Variants in SLC24A2 observed in about 807,000 individuals in gnomAD.
The protein encoded by SLC24A2 is solute carrier family 24 member 2, also known as sodium/potassium/calcium exchanger 2.
In SLC24A2, 36 loss-of-function variants were observed where a neutral mutation model predicts 62.0. The ratio of observed to expected loss-of-function variants is 0.58; its 90% CI spans 0.44 to 0.77. SLC24A2 has a LOEUF of 0.77. Ranked by LOEUF, SLC24A2 falls within the 30% of genes least tolerant of loss-of-function variation. SLC24A2 has a pLI of 0.00. For missense variants in SLC24A2, 846 were observed against 817.9 expected (o/e 1.03, Z -0.42); for synonymous variants, 358 against 294.0 (o/e 1.22, Z -2.23).
chr9:19,732,009 G>A (rs902251099), intron 2 of SLC24A2, among the ~76,000 whole-genome samples: 2 of 152,138 alleles, frequency 1.3e-5, no homozygotes, highest in African/African-American at 4.8e-5. Flanking sequence ...TGGAGGAGAA[G>A]CACTGAGATT....
At chr9:19,585,379 C>A (rs1461986362) in intron 5 of SLC24A2, among the ~76,000 whole-genome samples, 1 of 152,174 alleles carries the variant, frequency 6.6e-6, no homozygotes, top group Non-Finnish European at 1.5e-5. Flanking sequence ...CAAGCTTCAT[C>A]CTTTTCAAAG....
At chr9:19,872,547 C>G in the SLC24A2 span, among the ~76,000 whole-genome samples, 6 of 152,128 alleles carry the variant, frequency 3.9e-5, no homozygotes, top group African/African-American at 1.4e-4. Context: ...CCCACCTTGT[C>G]TCATACGGCT....
chr9:20,099,219 C>T, the SLC24A2 span, among the ~76,000 whole-genome samples: 1 of 152,156 alleles, frequency 6.6e-6, no homozygotes, highest in South Asian at 2.1e-4. Context: ...AATGATATTT[C>T]TTGAAACATG....
intron 7 of SLC24A2, among the ~76,000 whole-genome samples, chr9:19,551,941 G>T (rs774555799): frequency 2.6e-5 from 4 of 152,178 alleles, no homozygotes; most frequent in Admixed American, 6.5e-5. Flanking sequence ...GTAACAACAG[G>T]TTCTTCTGCT....
intron 2 of SLC24A2, among the ~76,000 whole-genome samples, chr9:19,693,988 G>A (rs1011825715): frequency 2.7e-4 from 41 of 151,920 alleles, no homozygotes; most frequent in African/African-American, 9.9e-4. Context: ...GAAAATGTAT[G>A]TTAAATCCTC....
chr9:20,117,580 AT>A, the SLC24A2 span, among the ~76,000 whole-genome samples: 443 of 152,296 alleles, frequency 2.9e-3, 3 homozygotes, highest in Middle Eastern at 0.014. Flanking sequence ...AATAGGCAGT[AT>A]GCTAAATGAC....
At chr9:20,002,637 T>C in the SLC24A2 span, among the ~76,000 whole-genome samples, 8 of 152,190 alleles carry the variant, frequency 5.3e-5, no homozygotes, top group African/African-American at 1.9e-4. Context: ...GCTCACTCTC[T>C]TAACCACAGA....
the SLC24A2 span, among the ~76,000 whole-genome samples, chr9:20,271,324 G>A: frequency 6.6e-6 from 1 of 152,206 alleles, no homozygotes. Flanking sequence ...ACCAACAGAT[G>A]TCTGGGGAGT....
chr9:20,090,205 A>C, the SLC24A2 span, among the ~76,000 whole-genome samples: 1 of 152,094 alleles, frequency 6.6e-6, no homozygotes, highest in African/African-American at 2.4e-5. Flanking sequence ...CAGAGCCCCC[A>C]TCCAGGGCTG....
intron 2 of SLC24A2, among the ~76,000 whole-genome samples, chr9:19,680,481 T>C (rs1819688015): frequency 6.6e-6 from 1 of 151,954 alleles, no homozygotes; most frequent in African/African-American, 2.4e-5. Context: ...TTCTCTACTG[T>C]TGACAAGGTT....
chr9:19,909,870 C>T, the SLC24A2 span, among the ~76,000 whole-genome samples: 2 of 152,080 alleles, frequency 1.3e-5, no homozygotes, highest in African/African-American at 4.8e-5. Context: ...ATACGGAGCA[C>T]AACTTCCCTT....
the SLC24A2 span, among the ~76,000 whole-genome samples, chr9:20,047,045 T>A: frequency 6.6e-6 from 1 of 152,128 alleles, no homozygotes; most frequent in Non-Finnish European, 1.5e-5. Flanking sequence ...ATCTAGCTCT[T>A]TGCACTAGAG....
At chr9:20,219,997 G>A in the SLC24A2 span, among the ~76,000 whole-genome samples, 2 of 152,116 alleles carry the variant, frequency 1.3e-5, no homozygotes, top group Non-Finnish European at 2.9e-5. Context: ...TGGCTTCTAT[G>A]CTTTGAGAAA....
chr9:20,186,561 G>A, the SLC24A2 span, among the ~76,000 whole-genome samples: 1 of 152,104 alleles, frequency 6.6e-6, no homozygotes, highest in Non-Finnish European at 1.5e-5. Context: ...TACTTTTGCT[G>A]TTGATTCAGG....
chr9:20,105,744 C>T, the SLC24A2 span, among the ~76,000 whole-genome samples: 15 of 151,880 alleles, frequency 9.9e-5, no homozygotes, highest in Admixed American at 6.6e-4. Context: ...CAAGAGAAAG[C>T]AGGAAAGATC....
At chr9:19,618,369 T>G (rs1817822189) in intron 4 of SLC24A2, among the ~76,000 whole-genome samples, 1 of 152,138 alleles carries the variant, frequency 6.6e-6, no homozygotes, top group South Asian at 2.1e-4. Context: ...TGGCTAAGAA[T>G]TACCTCTAGT....
intron 2 of SLC24A2, among the ~76,000 whole-genome samples, chr9:19,690,920 A>AGAGC (rs2118462484): frequency 1.6e-5 from 1 of 62,482 alleles, no homozygotes; most frequent in African/African-American, 3.1e-5. Context: ...TGTGCGTGTG[A>AGAGC]GAGAGAGAGA....
intron 2 of SLC24A2, among the ~76,000 whole-genome samples, chr9:19,660,294 C>T (rs1819058769): frequency 6.6e-6 from 1 of 152,166 alleles, no homozygotes; most frequent in Non-Finnish European, 1.5e-5. Flanking sequence ...GGTGAAGGGG[C>T]GGGAGGCTCT....
chr9:20,076,027 A>G, the SLC24A2 span, among the ~76,000 whole-genome samples: 1 of 152,096 alleles, frequency 6.6e-6, no homozygotes, highest in Non-Finnish European at 1.5e-5. Context: ...TAGTTGTTAC[A>G]CTCTATTGTT....
Sources: gnomAD v4.1 joint callset for allele counts (sites outside exome capture counted in the v4.1 genomes callset) on GRCh38, gnomAD v4.1.1 for gene constraint, MANE v1.5 for transcripts, NCBI Gene and HGNC (gene_info 2026-07-23, HGNC 2026-07-21) for gene names.